KLHDC10: variants seen among roughly 807,000 people sequenced by gnomAD.
KLHDC10 encodes the protein kelch domain containing 10, also known as kelch domain-containing protein 10.
KLHDC10 carries 24 observed loss-of-function variants against 56.1 expected under a neutral mutation model. The observed-to-expected ratio is 0.43, with a 90% CI of 0.31 to 0.60. The LOEUF is 0.60. Ranked by LOEUF, KLHDC10 falls within the 20% of genes least tolerant of loss-of-function variation. The pLI is 0.11. For synonymous variants in KLHDC10, 188 were observed against 207.1 expected (o/e 0.91, Z 0.79); for missense variants, 349 against 567.0 (o/e 0.62, Z 3.91).
At position 130,129,433 on chromosome 7, in the gene KLHDC10, A is replaced by T. The variant is rs1796366325; in HGVS notation, c.980-4A>T. Reference sequence around the variant, plus strand: ...GTGATCTTGGCTTTCTCTTTTCTTCATAGATGTATTTATTTGTGGGGGCTA... The same window carrying T: ...GTGATCTTGGCTTTCTCTTTTCTTCTTAGATGTATTTATTTGTGGGGGCTA... On this transcript the variant is annotated splice_polypyrimidine_tract_variant and splice_region_variant and intron_variant, in intron 8 of 9. Coordinates refer to ENST00000335420, the MANE Select transcript of KLHDC10 (RefSeq NM_014997.4). The T allele has an allele frequency of 4.3e-6, 7 of 1,613,502 alleles. No individual in the cohort carries two copies. In the African/African-American group the frequency reaches 6.7e-5, roughly 15 times the overall value.
At position 130,120,904 on chromosome 7, in the gene KLHDC10, G is replaced by T; in HGVS notation, c.630+1G>T. 1 of 1,613,518 alleles carries T rather than the reference G, an allele frequency of 6.2e-7. No individual in the cohort carries two copies. The highest frequency in any genetic ancestry group is 8.5e-7 in the Non-Finnish European group (1 of 1,179,632). ...GAAACCCAGTCGTATATATGGACAGGTACCAATCTGTGGCCAGTCATGGTG... is the reference window on the plus strand; with the variant it reads ...GAAACCCAGTCGTATATATGGACAGTTACCAATCTGTGGCCAGTCATGGTG... On this transcript the variant is annotated splice_donor_variant, in intron 4 of 9. Transcript: ENST00000335420. LOFTEE classifies it high-confidence loss of function. This position sits in a 1 kb window ranked among gnomAD's most constrained non-coding sequence, Gnocchi z 5.1.
intron 2 of KLHDC10, among the ~76,000 whole-genome samples, chr7:130,099,973 G>A (rs1795907406): frequency 2.0e-5 from 3 of 151,960 alleles, no homozygotes; most frequent in Admixed American, 2.0e-4. Context: ...GGTGTGGTGG[G>A]GGCATGCCTG....
chr7:130,116,186 T>G lies in KLHDC10; in HGVS notation c.254-259T>G, dbSNP rs1796165217. ...AGCCATTTTCTTGAATTTGTCATGCTTTTTACAGTTATCAAAATCTGAAGG... is the reference window on the plus strand; with the variant it reads ...AGCCATTTTCTTGAATTTGTCATGCGTTTTACAGTTATCAAAATCTGAAGG... On this transcript the variant is annotated intron_variant, in intron 2 of 9. Transcript: ENST00000335420. This position sits in a 1 kb window ranked among gnomAD's most constrained non-coding sequence, Gnocchi z 4.8. 6.6e-6 allele frequency among the ~76,000 whole-genome samples: 1 copy of G among 152,206 alleles called. No individual in the cohort carries two copies. Among genetic ancestry groups the G allele is most frequent in the Non-Finnish European group, 1.5e-5 (1 of 68,036 alleles).
intron 1 of KLHDC10, among the ~76,000 whole-genome samples, chr7:130,096,533 A>G (rs1448347654): frequency 6.6e-6 from 1 of 152,166 alleles, no homozygotes; most frequent in Non-Finnish European, 1.5e-5. Context: ...AGCCTCTGTT[A>G]TGTCCAATTA....
rs187950021 is a variant in KLHDC10, at chr7:130,075,223, G to T, written c.166+4414G>T. Among the ~76,000 whole-genome samples, 13 of 152,282 alleles carry T rather than the reference G, an allele frequency of 8.5e-5. 1 individual carries two copies. The highest frequency in any genetic ancestry group is 2.6e-4 in the Admixed American group (4 of 15,288). ...CAGGTAGCTGTTGTGATTTAACTGT[G>T]TGAGTTTGATTAAATACCATGATTA... On this transcript the variant is annotated intron_variant, in intron 1 of 9. Coordinates refer to ENST00000335420, the MANE Select transcript of KLHDC10 (RefSeq NM_014997.4).
intron 1 of KLHDC10, among the ~76,000 whole-genome samples, chr7:130,073,115 C>A (rs1051785957): frequency 6.6e-6 from 1 of 150,884 alleles, no homozygotes; most frequent in East Asian, 2.0e-4. Flanking sequence ...ACATCTGTAA[C>A]CCCAGCACTT....
chr7:130,124,387 T>C (rs1796287687), intron 5 of KLHDC10, 64 bp from the exon 6 acceptor site: 2 of 924,616 alleles, frequency 2.2e-6, no homozygotes, highest in Non-Finnish European at 3.5e-6. Flanking sequence ...AAAAACCTTA[T>C]AGCTAAATCT....
intron 1 of KLHDC10, among the ~76,000 whole-genome samples, chr7:130,082,565 A>G (rs2116847882): frequency 6.6e-6 from 1 of 152,268 alleles, no homozygotes; most frequent in East Asian, 1.9e-4. Context: ...TATTAGGTGG[A>G]ATCTCTTTCT....
intron 2 of KLHDC10, among the ~76,000 whole-genome samples, chr7:130,099,881 A>G (rs1418777696): frequency 6.6e-6 from 1 of 152,180 alleles, no homozygotes; most frequent in Non-Finnish European, 1.5e-5. Context: ...GGGGCCGGGC[A>G]TGGTGGCCTA....
chr7:130,097,019 T>G lies in KLHDC10; in HGVS notation c.253+12T>G, dbSNP rs1795858933. On this transcript the variant is annotated intron_variant, in intron 2 of 9. Coordinates refer to ENST00000335420, the MANE Select transcript of KLHDC10 (RefSeq NM_014997.4). ...CAGGTTTTTGAGAGGTGGGTGATAATTAGCAAGAGATCTGTGCTTCGTATG... is the reference window on the plus strand; with the variant it reads ...CAGGTTTTTGAGAGGTGGGTGATAAGTAGCAAGAGATCTGTGCTTCGTATG... 4 of 1,578,964 alleles carry G rather than the reference T, an allele frequency of 2.5e-6. No homozygotes were observed. Among genetic ancestry groups the G allele is most frequent in the Non-Finnish European group, 3.5e-6 (4 of 1,152,488 alleles).
intron 1 of KLHDC10, among the ~76,000 whole-genome samples, chr7:130,085,833 C>T (rs1236738710): frequency 1.2e-5 from 1 of 86,308 alleles, no homozygotes; most frequent in African/African-American, 4.4e-5. Flanking sequence ...GACTCTTTCT[C>T]AAAAAAAAAA....
chr7:130,131,564 C>G lies in KLHDC10; in HGVS notation c.*818C>G, dbSNP rs554528234. 1 of 152,306 alleles carries G rather than the reference C, an allele frequency of 6.6e-6. No homozygotes were observed. The highest frequency in any genetic ancestry group is 2.1e-4 in the South Asian group (1 of 4,828). The allele number at this position is 152,306 out of a possible 1,614,324, so 9.4% of individuals were successfully genotyped here. A position where few individuals can be genotyped will look rare whatever the true frequency, so the allele number is the denominator to read the frequency against. ...TCTTCATTCTGGCAGTTTTGAAACT[C>G]TCTTATGCTTATTAATGGTTTTAAA... On this transcript the variant is annotated 3_prime_UTR_variant, in exon 10 of 10. Transcript: ENST00000335420.
intron 1 of KLHDC10, among the ~76,000 whole-genome samples, chr7:130,083,533 A>G (rs1050655558): frequency 6.6e-6 from 1 of 152,078 alleles, no homozygotes; most frequent in East Asian, 1.9e-4. Flanking sequence ...TGTACATACC[A>G]TTTCTTCTTT....
intron 7 of KLHDC10, among the ~76,000 whole-genome samples, chr7:130,127,156 TG>T (rs774856196): frequency 2.0e-4 from 30 of 152,340 alleles, no homozygotes; most frequent in Non-Finnish European, 3.4e-4. Flanking sequence ...TAAAAGGGCT[TG>T]GGAAAGCCAC....
chr7:130,121,872 T>C (rs1796252276), intron 4 of KLHDC10, among the ~76,000 whole-genome samples, 182 bp from the exon 5 acceptor site: 1 of 152,230 alleles, frequency 6.6e-6, no homozygotes, highest in Non-Finnish European at 1.5e-5. Flanking sequence ...TAAAGGTGTT[T>C]TCCAGGTTCT....
intron 1 of KLHDC10, among the ~76,000 whole-genome samples, chr7:130,080,597 A>G (rs145871799): frequency 3.4e-4 from 52 of 151,724 alleles, no homozygotes; most frequent in African/African-American, 5.1e-4. Flanking sequence ...TGGGGTCTCA[A>G]TGTTGCCCAG....
chr7:130,129,094 T>C (rs971444276), intron 8 of KLHDC10, among the ~76,000 whole-genome samples: 2 of 151,776 alleles, frequency 1.3e-5, no homozygotes, highest in African/African-American at 4.8e-5. Context: ...AGCATTTCTG[T>C]CTGTTTTCCT....
chr7:130,128,706 G>A (rs745709548), intron 8 of KLHDC10, among the ~76,000 whole-genome samples: 4 of 151,100 alleles, frequency 2.6e-5, no homozygotes, highest in Non-Finnish European at 5.9e-5. Flanking sequence ...GCAAACTGGT[G>A]GCCTGCAAAT....
At chr7:130,106,761 T>G (rs1428541543) in intron 2 of KLHDC10, among the ~76,000 whole-genome samples, 2 of 152,108 alleles carry the variant, frequency 1.3e-5, no homozygotes, top group African/African-American at 2.4e-5. Context: ...GAGGATCTCT[T>G]GAGCCCAAGA....
Sources: gnomAD v4.1 joint callset for allele counts (sites outside exome capture counted in the v4.1 genomes callset) on GRCh38, gnomAD v4.1.1 for gene constraint, Gnocchi (gnomAD v3.1) non-coding constraint, MANE v1.5 for transcripts, NCBI Gene and HGNC (gene_info 2026-07-23, HGNC 2026-07-21) for gene names.